The following ANO4 variants were observed in gnomAD, a reference collection of about 807,000 sequenced individuals.
ANO4 encodes the protein anoctamin-4.
ANO4 carries 69 observed loss-of-function variants against 141.9 expected under a neutral mutation model. The observed-to-expected ratio is 0.49, with a 90% CI of 0.40 to 0.59. The LOEUF (loss-of-function observed/expected upper bound fraction) is 0.59. ANO4 is among the 20% of genes least tolerant of loss of function. The probability of loss-of-function intolerance (pLI) is 0.00; values close to 1 mark genes in which losing one functional copy is unlikely to be tolerated. For synonymous variants in ANO4, 350 were observed against 394.3 expected, an observed-to-expected ratio of 0.89 and a Z score of 1.33; for missense variants, 894 against 1,162.2, an observed-to-expected ratio of 0.77 and a Z score of 3.36.
intron 8 of ANO4, among the ~76,000 whole-genome samples, chr12:100,995,006 C>CA (rs2045305570): frequency 6.6e-6 from 1 of 152,014 alleles, no homozygotes; most frequent in Non-Finnish European, 1.5e-5. Flanking sequence ...CTCCCCACAA[C>CA]AAAAAATTAT....
chr12:101,075,729 T>TTATATATAACAAAGATATATATATCTTTA (rs2048998869), intron 14 of ANO4, among the ~76,000 whole-genome samples: 1 of 144,434 alleles, frequency 6.9e-6, no homozygotes, highest in Non-Finnish European at 1.5e-5. Flanking sequence ...ATATATATCT[T>TTATATATAACAAAGATATATATATCTTTA]TATATATATA....
intron 4 of ANO4, among the ~76,000 whole-genome samples, chr12:100,939,932 G>C (rs2042438666): frequency 6.6e-6 from 1 of 152,080 alleles, no homozygotes; most frequent in Admixed American, 6.6e-5. Context: ...GGAAAAATTA[G>C]TATTTTTTTT....
At chr12:101,090,264 T>C (rs1167549274) in intron 17 of ANO4, among the ~76,000 whole-genome samples, 1 of 152,186 alleles carries the variant, frequency 6.6e-6, no homozygotes, top group Admixed American at 6.5e-5. Context: ...ACCCAAAGGA[T>C]TATAAATCAT....
intron 14 of ANO4, among the ~76,000 whole-genome samples, chr12:101,069,550 G>C (rs2048726044): frequency 6.6e-6 from 1 of 152,192 alleles, no homozygotes; most frequent in South Asian, 2.1e-4. Context: ...GAAACAAGTA[G>C]AAGCAATCAT....
chr12:101,005,715 T>G (rs1182288479), intron 8 of ANO4, among the ~76,000 whole-genome samples: 1 of 152,234 alleles, frequency 6.6e-6, no homozygotes, highest in African/African-American at 2.4e-5. Flanking sequence ...TGTTGATAAT[T>G]TTGATGGAAC....
chr12:100,920,799 G>A (rs970362169), intron 2 of ANO4, among the ~76,000 whole-genome samples: 9 of 152,132 alleles, frequency 5.9e-5, no homozygotes, highest in African/African-American at 2.2e-4. Context: ...TACCTAGTCT[G>A]TCTCTATATA....
chr12:101,085,028 G>T (rs1203555328), intron 16 of ANO4, among the ~76,000 whole-genome samples: 1 of 152,204 alleles, frequency 6.6e-6, no homozygotes, highest in African/African-American at 2.4e-5. Context: ...ATCTGGACAG[G>T]TTTTTGTTTA....
At chr12:100,965,501 T>G (rs1012655010) in intron 5 of ANO4, among the ~76,000 whole-genome samples, 6 of 152,128 alleles carry the variant, frequency 3.9e-5, no homozygotes, top group Non-Finnish European at 8.8e-5. Flanking sequence ...CATTAGTGGC[T>G]TCCTATTGGC....
intron 19 of ANO4, among the ~76,000 whole-genome samples, chr12:101,097,366 AG>A (rs1485970770): frequency 1.3e-5 from 2 of 152,282 alleles, no homozygotes; most frequent in African/African-American, 4.8e-5. Context: ...CTGCTTACAC[AG>A]GTCAGAGCAA....
chr12:100,913,152 G>A (rs2041189251), intron 2 of ANO4, among the ~76,000 whole-genome samples: 1 of 151,974 alleles, frequency 6.6e-6, no homozygotes, highest in African/African-American at 2.4e-5. Context: ...TTTACTGAGG[G>A]ACATATACAC....
chr12:101,095,904 T>C (rs535275135), intron 18 of ANO4, among the ~76,000 whole-genome samples: 1 of 152,270 alleles, frequency 6.6e-6, no homozygotes, highest in African/African-American at 2.4e-5. Flanking sequence ...TTGAAATATA[T>C]GGAGATGAGA....
chr12:100,824,382 G>A (rs1265632062), intron 1 of ANO4, among the ~76,000 whole-genome samples: 4 of 151,742 alleles, frequency 2.6e-5, no homozygotes, highest in African/African-American at 9.7e-5. Context: ...ATTCCACTAG[G>A]AACTTGAACA....
intron 3 of ANO4, among the ~76,000 whole-genome samples, chr12:100,787,851 A>G (rs1397224970): frequency 6.6e-6 from 1 of 152,232 alleles, no homozygotes; most frequent in African/African-American, 2.4e-5. Context: ...ATGGAAAGTC[A>G]GAGGAAGTGC....
intron 14 of ANO4, 71 bp from the exon 15 acceptor site, chr12:101,079,122 T>G: frequency 7.6e-7 from 1 of 1,309,414 alleles, no homozygotes; most frequent in Non-Finnish European, 1.1e-6. Flanking sequence ...GCTTCATTAT[T>G]CAGTGACACA....
Position 101,097,953 on chromosome 12 carries a change from C to T in ANO4, c.2006+8C>T, listed in dbSNP as rs1469090006. 1 of 1,608,940 alleles carries T rather than the reference C, an allele frequency of 6.2e-7. No individual in the cohort carries two copies. Among genetic ancestry groups the T allele is most frequent in the Admixed American group, 1.7e-5 (1 of 59,890 alleles). On this transcript the variant is annotated splice_region_variant and intron_variant, in intron 21 of 27. Coordinates refer to ENST00000392977, the MANE Select transcript of ANO4 (RefSeq NM_001286615.2). ...CATGGAACTTGGCTACCCGTAAGTA[C>T]CTTAGTATCAATAATTGAGAGGCAG...
Position 100,979,640 on chromosome 12 carries a change from T to C in ANO4, c.602+4751T>C, listed in dbSNP as rs2044359731. ...AAGAGGAGGAAGGCAGAGGAGACTATGACCTTGTGACCCATCACATGTTCT... is the reference window on the plus strand; with the variant it reads ...AAGAGGAGGAAGGCAGAGGAGACTACGACCTTGTGACCCATCACATGTTCT... On this transcript the variant is annotated intron_variant, in intron 7 of 27. Transcript: ENST00000392977. 3.3e-5 allele frequency among the ~76,000 whole-genome samples: 5 copies of C among 152,134 alleles called. No individual in the cohort carries two copies. The South Asian group carries it at 1.0e-3, about 32-fold the overall frequency.
intron 3 of ANO4, among the ~76,000 whole-genome samples, chr12:100,759,967 A>G (rs1288076932): frequency 1.3e-5 from 2 of 152,226 alleles, no homozygotes; most frequent in Non-Finnish European, 2.9e-5. Context: ...AAACAATATG[A>G]CAAGAACACA....
chr12:100,832,008 A>C (rs1383080168), intron 1 of ANO4, among the ~76,000 whole-genome samples: 1 of 152,076 alleles, frequency 6.6e-6, no homozygotes, highest in Non-Finnish European at 1.5e-5. Context: ...AAATGATTCC[A>C]TTTGTAAGTT....
intron 5 of ANO4, among the ~76,000 whole-genome samples, chr12:100,965,014 A>G (rs1247543268): frequency 6.6e-6 from 1 of 152,168 alleles, no homozygotes; most frequent in Non-Finnish European, 1.5e-5. Flanking sequence ...CAGGCCCTGG[A>G]ACATCACAGG....
Sources: allele counts gnomAD v4.1 joint callset (sites outside exome capture counted in the v4.1 genomes callset), GRCh38; gene constraint gnomAD v4.1.1; transcripts MANE v1.5; gene names NCBI Gene and HGNC (gene_info 2026-07-23, HGNC 2026-07-21).